Variants in AFG1L observed in about 807,000 individuals in gnomAD.
AFG1L encodes the protein AFG1-like ATPase.
A neutral mutation model predicts 62.2 loss-of-function variants in AFG1L; 53 were observed. The ratio of observed to expected loss-of-function variants is 0.85; its 90% confidence interval spans 0.68 to 1.07. AFG1L has a LOEUF of 1.07. AFG1L is among the 50% of genes least tolerant of loss of function. AFG1L has a pLI of 0.00. For missense variants in AFG1L, 555 were observed against 590.5 expected (o/e 0.94, Z 0.62); for synonymous variants, 228 against 210.3 (o/e 1.08, Z -0.73).
At position 108,490,093 on chromosome 6, in the gene AFG1L, G is replaced by A. The variant is rs1020513820; in HGVS notation, c.1062+12801G>A. 5.3e-5 allele frequency among the ~76,000 whole-genome samples: 8 copies of A among 152,322 alleles called. No individual in the cohort carries two copies. In the East Asian group the frequency reaches 1.4e-3, roughly 26 times the overall value. ...TTAATTTACTAGGCTAGGCGCGGTG[G>A]CTTACGCCTGTAATCCCAGCACTTT... On this transcript the variant is annotated intron_variant, in intron 10 of 12. Coordinates refer to ENST00000368977, the MANE Select transcript of AFG1L (RefSeq NM_145315.5).
At chr6:108,467,499 C>T (rs903260832) in intron 8 of AFG1L, among the ~76,000 whole-genome samples, 2 of 152,154 alleles carry the variant, frequency 1.3e-5, no homozygotes, top group Non-Finnish European at 2.9e-5. Flanking sequence ...CCACCCACCT[C>T]AGCCTCCCAA....
chr6:108,476,986 C>T lies in AFG1L; in HGVS notation c.961+51C>T, dbSNP rs371894326. 1.6e-5 allele frequency: 24 copies of T among 1,465,218 alleles called. No homozygotes were observed. The Admixed American group carries it at 1.7e-4, about 10-fold the overall frequency. 90.8% of individuals were successfully genotyped at this position (1,465,218 alleles called of 1,614,324 possible). ...GAGAATACATTTAGAACACAATGCC[C>T]AATCTCCACTGACCAATTAATAAGT... On this transcript the variant is annotated intron_variant, in intron 9 of 12. Coordinates refer to ENST00000368977, the MANE Select transcript of AFG1L (RefSeq NM_145315.5).
chr6:108,356,060 T>C (rs1779275714), intron 4 of AFG1L, among the ~76,000 whole-genome samples: 1 of 152,228 alleles, frequency 6.6e-6, no homozygotes, highest in Admixed American at 6.5e-5. Context: ...AAGTGATTCT[T>C]GATTAGGCCC....
At chr6:108,522,203 C>A in intron 12 of AFG1L, 94 bp from the exon 13 acceptor site, 1 of 1,142,000 alleles carries the variant, frequency 8.8e-7, no homozygotes. Context: ...TAATCTAAAC[C>A]GGTAAGCCTA....
At chr6:108,516,563 C>T (rs1226146657) in intron 11 of AFG1L, among the ~76,000 whole-genome samples, 1 of 152,186 alleles carries the variant, frequency 6.6e-6, no homozygotes, top group Non-Finnish European at 1.5e-5. Context: ...TGGGCAAAAA[C>T]TGGAAGCATT....
chr6:108,461,913 T>G (rs1772475744), intron 8 of AFG1L, among the ~76,000 whole-genome samples: 2 of 151,886 alleles, frequency 1.3e-5, no homozygotes, highest in African/African-American at 4.8e-5. Flanking sequence ...GCTAACACGT[T>G]GAAACCCTGT....
chr6:108,518,515 G>A (rs887260638), intron 11 of AFG1L, among the ~76,000 whole-genome samples: 1 of 125,048 alleles, frequency 8.0e-6, no homozygotes, highest in African/African-American at 2.9e-5. Context: ...TGGGGGGAGG[G>A]GGGAGGGATA....
At chr6:108,350,661 G>T (rs1004783576) in intron 3 of AFG1L, among the ~76,000 whole-genome samples, 1 of 152,212 alleles carries the variant, frequency 6.6e-6, no homozygotes, top group Non-Finnish European at 1.5e-5. Context: ...CCTACAGCTG[G>T]CTTTCTCACA....
chr6:108,517,959 A>G (rs1159693352), intron 11 of AFG1L, among the ~76,000 whole-genome samples: 2 of 152,224 alleles, frequency 1.3e-5, no homozygotes, highest in African/African-American at 4.8e-5. Flanking sequence ...ATGAGATACC[A>G]TCTCACACCA....
intron 2 of AFG1L, among the ~76,000 whole-genome samples, chr6:108,341,431 A>G (rs1778678387): frequency 6.6e-6 from 1 of 152,192 alleles, no homozygotes; most frequent in Admixed American, 6.5e-5. Context: ...CTGAGTATAA[A>G]CAGGTATTGG....
At chr6:108,418,924 G>A (rs1212841702) in intron 7 of AFG1L, among the ~76,000 whole-genome samples, 1 of 152,124 alleles carries the variant, frequency 6.6e-6, no homozygotes, top group Non-Finnish European at 1.5e-5. Context: ...TAGCCTTCTT[G>A]AAGATTAGAT....
chr6:108,470,925 C>A (rs553014365), intron 8 of AFG1L, among the ~76,000 whole-genome samples: 1 of 152,254 alleles, frequency 6.6e-6, no homozygotes, highest in Admixed American at 6.5e-5. Flanking sequence ...GGTGGCACAG[C>A]CCAGCTCCAA....
intron 2 of AFG1L, among the ~76,000 whole-genome samples, chr6:108,330,755 A>G (rs771246870): frequency 6.6e-6 from 1 of 152,210 alleles, no homozygotes; most frequent in Non-Finnish European, 1.5e-5. Flanking sequence ...GCTAAGCAGT[A>G]CTGACTGCCC....
chr6:108,315,694 C>A (rs983597343), intron 1 of AFG1L, among the ~76,000 whole-genome samples: 1 of 152,154 alleles, frequency 6.6e-6, no homozygotes, highest in Non-Finnish European at 1.5e-5. Flanking sequence ...GATCAGCCTC[C>A]CACAGTGCTG....
intron 10 of AFG1L, among the ~76,000 whole-genome samples, chr6:108,484,048 T>C (rs1264807176): frequency 6.6e-6 from 1 of 152,148 alleles, no homozygotes; most frequent in Non-Finnish European, 1.5e-5. Context: ...TCAGTAAATA[T>C]CATACTAAAG....
intron 2 of AFG1L, among the ~76,000 whole-genome samples, chr6:108,332,293 A>C (rs1778303537): frequency 6.6e-6 from 1 of 152,224 alleles, no homozygotes; most frequent in Non-Finnish European, 1.5e-5. Context: ...TTCAAGTTTA[A>C]TATTCCATTA....
chr6:108,464,902 G>A (rs1772606036), intron 8 of AFG1L, among the ~76,000 whole-genome samples: 1 of 152,134 alleles, frequency 6.6e-6, no homozygotes, highest in South Asian at 2.1e-4. Context: ...TGCATTGTCT[G>A]CACAAAGGCC....
At chr6:108,372,252 A>T (rs373451229) in intron 6 of AFG1L, among the ~76,000 whole-genome samples, 1 of 151,072 alleles carries the variant, frequency 6.6e-6, no homozygotes, top group East Asian at 1.9e-4. Context: ...TGCTAGGAAA[A>T]GATTTTTATT....
intron 10 of AFG1L, among the ~76,000 whole-genome samples, chr6:108,504,425 G>T (rs1298563244): frequency 6.6e-6 from 1 of 152,164 alleles, no homozygotes; most frequent in Non-Finnish European, 1.5e-5. Context: ...GCCAGTGGTG[G>T]AGCAGTCAGA....
Sources: allele counts gnomAD v4.1 joint callset (sites outside exome capture counted in the v4.1 genomes callset), GRCh38; gene constraint gnomAD v4.1.1; transcripts MANE v1.5; gene names NCBI Gene and HGNC (gene_info 2026-07-23, HGNC 2026-07-21).